Variants in NRXN3 observed in about 807,000 individuals in gnomAD.
NRXN3 encodes the protein neurexin III.
NRXN3 carries 32 observed loss-of-function variants against 137.6 expected under a neutral mutation model. That is an observed-to-expected ratio of 0.23 (90% confidence interval 0.18 to 0.31). The LOEUF is 0.31. NRXN3 is among the 10% of genes least tolerant of loss of function. NRXN3 has a pLI of 1.00. For missense variants in NRXN3, 1,574 were observed against 2,062.5 expected (o/e 0.76, Z 4.59); for synonymous variants, 798 against 784.5 (o/e 1.02, Z -0.29).
chr14:78,975,097 A>G (rs1463567607), intron 14 of NRXN3, among the ~76,000 whole-genome samples: 2 of 152,198 alleles, frequency 1.3e-5, no homozygotes, highest in Admixed American at 1.3e-4. Flanking sequence ...TGTATCAGGG[A>G]CTAGGTACTG....
chr14:78,865,989 GA>G (rs1279493039), intron 10 of NRXN3, among the ~76,000 whole-genome samples: 1 of 152,094 alleles, frequency 6.6e-6, no homozygotes, highest in East Asian at 1.9e-4. Flanking sequence ...AATCAGGGAA[GA>G]AAAAAGCCAA....
intron 1 of NRXN3, among the ~76,000 whole-genome samples, chr14:78,190,655 AC>A (rs1374095169): frequency 3.4e-5 from 1 of 29,256 alleles, no homozygotes; most frequent in African/African-American, 2.3e-4. Context: ...TTATTTATTT[AC>A]TTACTTACTT....
chr14:78,951,991 G>A (rs963478669), intron 10 of NRXN3, among the ~76,000 whole-genome samples: 8 of 152,148 alleles, frequency 5.3e-5, no homozygotes, highest in African/African-American at 1.9e-4. Flanking sequence ...TTTTTAGTAG[G>A]TTTTAACTAG....
At chr14:79,242,551 C>G (rs552277617) in intron 15 of NRXN3, among the ~76,000 whole-genome samples, 1 of 152,290 alleles carries the variant, frequency 6.6e-6, no homozygotes, top group African/African-American at 2.4e-5. Context: ...GGACCTAAAG[C>G]TGCAGTGAGG....
chr14:78,564,586 G>A (rs1383710129), intron 4 of NRXN3, among the ~76,000 whole-genome samples: 1 of 152,196 alleles, frequency 6.6e-6, no homozygotes, highest in Non-Finnish European at 1.5e-5. Flanking sequence ...AGGTATATGG[G>A]TTAGAAACTT....
At chr14:79,732,908 G>A (rs1049650211) in intron 19 of NRXN3, among the ~76,000 whole-genome samples, 9 of 152,066 alleles carry the variant, frequency 5.9e-5, no homozygotes, top group Non-Finnish European at 1.0e-4. Flanking sequence ...GTGGCATAAA[G>A]AGCAATGACT....
intron 15 of NRXN3, among the ~76,000 whole-genome samples, chr14:79,368,475 G>A (rs1446077345): frequency 6.6e-6 from 1 of 152,150 alleles, no homozygotes; most frequent in Admixed American, 6.5e-5. Flanking sequence ...TACTTTAAAA[G>A]ACTTTTATCT....
At chr14:79,246,593 C>G (rs905858954) in intron 15 of NRXN3, 2 of 152,116 alleles carry the variant, frequency 1.3e-5, no homozygotes, top group Non-Finnish European at 2.9e-5. Flanking sequence ...TCTCTTCTCA[C>G]ATCATGGCCT....
At chr14:78,536,967 T>C (rs1355006417) in intron 4 of NRXN3, among the ~76,000 whole-genome samples, 1 of 152,204 alleles carries the variant, frequency 6.6e-6, no homozygotes, top group Non-Finnish European at 1.5e-5. Flanking sequence ...TAGTATTCCA[T>C]GGTGTATATG....
At chr14:78,204,650 A>G (rs1350536316) in intron 1 of NRXN3, among the ~76,000 whole-genome samples, 1 of 152,114 alleles carries the variant, frequency 6.6e-6, no homozygotes, top group Non-Finnish European at 1.5e-5. Flanking sequence ...TCTAAATTAA[A>G]TAATATGTGC....
intron 15 of NRXN3, among the ~76,000 whole-genome samples, chr14:79,397,544 C>T (rs577905841): frequency 6.6e-6 from 1 of 152,222 alleles, no homozygotes; most frequent in South Asian, 2.1e-4. Flanking sequence ...CACAGGTAGT[C>T]TAGTGTAAGG....
chr14:78,395,472 A>T (rs2091342932), intron 4 of NRXN3, among the ~76,000 whole-genome samples: 1 of 151,798 alleles, frequency 6.6e-6, no homozygotes, highest in African/African-American at 2.4e-5. Context: ...TTGGAAAAAA[A>T]TGTGTATTCT....
chr14:79,233,207 A>C (rs989762352), intron 15 of NRXN3, among the ~76,000 whole-genome samples: 2 of 152,168 alleles, frequency 1.3e-5, no homozygotes, highest in African/African-American at 2.4e-5. Context: ...TTGAAATCTC[A>C]TTAGAGATTT....
chr14:78,970,464 A>G (rs534071614), intron 14 of NRXN3, among the ~76,000 whole-genome samples: 3 of 152,130 alleles, frequency 2.0e-5, no homozygotes, highest in Admixed American at 2.0e-4. Flanking sequence ...ACCTCAACCC[A>G]GGGGCTACAT....
chr14:78,798,734 T>C (rs765872801), intron 8 of NRXN3, among the ~76,000 whole-genome samples: 1 of 152,204 alleles, frequency 6.6e-6, no homozygotes, highest in Non-Finnish European at 1.5e-5. Context: ...CCATACATCC[T>C]CTGAAATCTA....
chr14:79,480,111 C>T (rs777335473), intron 16 of NRXN3, among the ~76,000 whole-genome samples: 6 of 152,134 alleles, frequency 3.9e-5, no homozygotes, highest in Admixed American at 6.6e-5. Context: ...GTCTTCACAG[C>T]GACCATGGCC....
intron 17 of NRXN3, among the ~76,000 whole-genome samples, chr14:79,668,492 A>C (rs75453293): frequency 6.6e-6 from 1 of 152,082 alleles, no homozygotes; most frequent in Non-Finnish European, 1.5e-5. Flanking sequence ...CAGAGCCAAC[A>C]CTTTTCTATC....
chr14:78,823,650 T>C (rs746800407), intron 10 of NRXN3, among the ~76,000 whole-genome samples: 7 of 152,194 alleles, frequency 4.6e-5, no homozygotes, highest in Non-Finnish European at 1.0e-4. Flanking sequence ...CTGGGAAGCA[T>C]AGCCTCTGGC....
At chr14:78,335,439 G>C (rs543528595) in intron 4 of NRXN3, among the ~76,000 whole-genome samples, 2 of 152,236 alleles carry the variant, frequency 1.3e-5, no homozygotes, top group Non-Finnish European at 2.9e-5. Context: ...CTCTGCCCAA[G>C]CTGAGCCAGG....
Sources: gnomAD v4.1 joint callset for allele counts (sites outside exome capture counted in the v4.1 genomes callset) on GRCh38, gnomAD v4.1.1 for gene constraint, MANE v1.5 for transcripts, NCBI Gene and HGNC (gene_info 2026-07-23, HGNC 2026-07-21) for gene names.